The following GNE variants were observed in gnomAD, a reference collection of about 807,000 sequenced individuals.
GNE encodes the protein glucosamine (UDP-N-acetyl)-2-epimerase/N-acetylmannosamine kinase, also known as bifunctional UDP-N-acetylglucosamine 2-epimerase/N-acetylmannosamine kinase.
GNE carries 41 observed loss-of-function variants against 61.8 expected under a neutral mutation model. The ratio of observed to expected loss-of-function variants is 0.66; its 90% CI spans 0.52 to 0.86. GNE has a LOEUF of 0.86. Among genes scored for constraint, GNE ranks in the 40% least tolerant of loss-of-function variants. GNE has a pLI of 0.00. For synonymous variants in GNE, 264 were observed against 326.4 expected (o/e 0.81, Z 2.06); for missense variants, 608 against 909.1 (o/e 0.67, Z 4.26).
chr9:36,276,978 T>C (rs1831287009), exon 1 of GNE: 2 of 1,613,376 alleles, frequency 1.2e-6, no homozygotes, highest in Non-Finnish European at 1.7e-6. Context: ...TAGTGTGGTT[T>C]GAAATAATGA....
At chr9:36,255,353 G>A (rs1442128345) in intron 1 of GNE, among the ~76,000 whole-genome samples, 2 of 151,762 alleles carry the variant, frequency 1.3e-5, no homozygotes, top group African/African-American at 2.4e-5. Flanking sequence ...GATTACAGGC[G>A]CACGCCACCA....
At position 36,226,156 on chromosome 9, in the gene GNE, A is replaced by G. The variant is rs570733128; in HGVS notation, c.1281+1092T>C. Among the ~76,000 whole-genome samples, 119 of 152,182 alleles carry G rather than the reference A, an allele frequency of 7.8e-4. 2 individuals are homozygous for G. The South Asian group carries it at 0.025, about 31-fold the overall frequency. On this transcript the variant is annotated intron_variant, in intron 7 of 11. Coordinates refer to ENST00000642385, the MANE Select transcript of GNE (RefSeq NM_005476.7). Reference sequence around the variant, plus strand: ...TGGAATAAATCATCTTTCTGTTAAGAAACTATTCTTCTATTAGTTTTTGTT... The same window carrying G: ...TGGAATAAATCATCTTTCTGTTAAGGAACTATTCTTCTATTAGTTTTTGTT...
chr9:36,229,240 G>A (rs932389949), intron 5 of GNE, 132 bp from the exon 6 acceptor site: 1 of 716,022 alleles, frequency 1.4e-6, no homozygotes, highest in Non-Finnish European at 2.6e-6. Flanking sequence ...TTTTGTTAGG[G>A]AAAATTCAAC....
chr9:36,219,268 C>T (rs1828475373), intron 10 of GNE, among the ~76,000 whole-genome samples: 1 of 152,126 alleles, frequency 6.6e-6, no homozygotes, highest in Admixed American at 6.6e-5. Context: ...CCCATCATCT[C>T]GGCTCGCCAT....
intron 1 of GNE, among the ~76,000 whole-genome samples, chr9:36,266,106 T>C (rs1158507082): frequency 6.6e-6 from 1 of 152,042 alleles, no homozygotes; most frequent in African/African-American, 2.4e-5. Context: ...AATTTTTGTA[T>C]TTTTAGTAGA....
upstream of GNE, among the ~76,000 whole-genome samples, chr9:36,259,050 G>T (rs1006567682): frequency 6.6e-6 from 1 of 152,196 alleles, no homozygotes; most frequent in African/African-American, 2.4e-5. Flanking sequence ...GGTGGTAAAG[G>T]GCTTGCGCAG....
chr9:36,230,320 A>G (rs1402890750), intron 5 of GNE, among the ~76,000 whole-genome samples: 4 of 152,064 alleles, frequency 2.6e-5, no homozygotes, highest in Non-Finnish European at 4.4e-5. Flanking sequence ...GGCTTTATAG[A>G]TAGCACACTC....
In GNE at chr9:36,246,660, CTTT is replaced by C. The variant is rs66781293; in HGVS notation, c.165-181_165-179del. 7.5e-3 allele frequency among the ~76,000 whole-genome samples: 888 copies of C among 118,744 alleles called. 3 individuals are homozygous for C. The highest frequency in any genetic ancestry group is 0.028 in the African/African-American group (850 of 30,620). 77.9% of individuals were successfully genotyped at this position (118,744 alleles called of 152,430 possible). A position where few individuals can be genotyped will look rare whatever the true frequency, so the allele number is the denominator to read the frequency against. On this transcript the variant is annotated intron_variant, in intron 2 of 11. Coordinates refer to ENST00000642385, the MANE Select transcript of GNE (RefSeq NM_005476.7). ...AAGTGTAAACAGCCTGATTAAGATT[CTTT>C]TTTTTTTTTTTTTTTTTTTTTTTGA...
At chr9:36,229,209 C>G (rs1829032963) in intron 5 of GNE, 101 bp from the exon 6 acceptor site, 8 of 779,218 alleles carry the variant, frequency 1.0e-5, no homozygotes. Flanking sequence ...ACCTGAAATC[C>G]AGCTGACTTC....
chr9:36,233,315 T>C (rs1829252134), intron 5 of GNE, among the ~76,000 whole-genome samples: 1 of 152,248 alleles, frequency 6.6e-6, no homozygotes, highest in South Asian at 2.1e-4. Context: ...AGCATTCATA[T>C]ATTCATGAAA....
intron 3 of GNE, among the ~76,000 whole-genome samples, chr9:36,238,314 T>C (rs1829488748): frequency 6.6e-6 from 1 of 151,108 alleles, no homozygotes; most frequent in Non-Finnish European, 1.5e-5. Flanking sequence ...GTGGAATTGC[T>C]GGATCAAATG....
chr9:36,233,431 C>A (rs984871307), intron 5 of GNE, among the ~76,000 whole-genome samples: 1 of 152,184 alleles, frequency 6.6e-6, no homozygotes, highest in African/African-American at 2.4e-5. Flanking sequence ...CTTTGGGAGG[C>A]CGAGGTGGGC....
intron 1 of GNE, chr9:36,265,047 C>T (rs1005734191): frequency 1.4e-5 from 4 of 296,080 alleles, no homozygotes; most frequent in South Asian, 3.9e-5. Flanking sequence ...GCAGACCCGC[C>T]GCTGACTTCC....
chr9:36,253,905 G>C (rs1830219575), intron 1 of GNE, among the ~76,000 whole-genome samples: 1 of 151,926 alleles, frequency 6.6e-6, no homozygotes, highest in African/African-American at 2.4e-5. Context: ...GGGTGTGGTG[G>C]CGTGCACCTG....
chr9:36,223,012 C>T lies in GNE; in HGVS notation c.1412-14G>A. On this transcript the variant is annotated splice_polypyrimidine_tract_variant and intron_variant, in intron 8 of 11. Coordinates refer to ENST00000642385, the MANE Select transcript of GNE (RefSeq NM_005476.7). ...CTGTGGAAATGCCTGCGCTCCACCA[C>T]AAACACAAGGAAATAATGCTGATGA... 6.2e-7 allele frequency: 1 copy of T among 1,608,208 alleles called. No individual in the cohort carries two copies. The highest frequency in any genetic ancestry group is 2.2e-5 in the East Asian group (1 of 44,876).
rs573824740 is a variant in GNE at position 36,258,297 on chromosome 9, C to G, written c.-43+24G>C. 33 of 984,500 alleles carry G rather than the reference C, an allele frequency of 3.4e-5. No individual in the cohort carries two copies. The East Asian group carries it at 1.1e-3, about 34-fold the overall frequency. 61.0% of individuals were successfully genotyped at this position (984,500 alleles called of 1,614,324 possible). A position where few individuals can be genotyped will look rare whatever the true frequency, so the allele number is the denominator to read the frequency against. ...GGTGGGCAGGATGCTCTCCCGGAGT[C>G]CCACGCCGCCGCGCGGCTCTCACCA... On this transcript the variant is annotated intron_variant, in intron 1 of 11. Transcript: ENST00000642385.
At position 36,246,118 on chromosome 9, in the gene GNE, G is replaced by A. The variant is rs539332585; in HGVS notation, c.529C>T (p.Arg177Cys). The change falls in exon 3 of 12, where the codon CGC becomes TGC. Residue 177 changes from arginine (R) to cysteine (C), a missense_variant. By Grantham distance (180) the Arg-to-Cys change is radical. Transcript: ENST00000642385. ...GAAGGGCAGCCTGCCAAAAGGATGC[G>A]ATCATGGTCCTCACACATGGATATC... ...HLISMCEDHD[R>C]ILLAGCPSYD... 2.5e-6 allele frequency: 4 copies of A among 1,614,160 alleles called. No homozygotes were observed. Among genetic ancestry groups the A allele is most frequent in the African/African-American group, 2.7e-5 (2 of 75,064 alleles).
At position 36,217,096 on chromosome 9, in the gene GNE, G is replaced by A. The variant is rs1193020196; in HGVS notation, c.*269C>T. ...AGGCTTCCTCTCTATTATTGTAGCTGCTTTGGCACAGAAAATTGTGACTGT... is the reference window on the plus strand; with the variant it reads ...AGGCTTCCTCTCTATTATTGTAGCTACTTTGGCACAGAAAATTGTGACTGT... On this transcript the variant is annotated 3_prime_UTR_variant, in exon 12 of 12. Transcript: ENST00000642385. 1 of 498,744 alleles carries A rather than the reference G, an allele frequency of 2.0e-6. No individual in the cohort carries two copies. The highest frequency in any genetic ancestry group is 3.8e-5 in the East Asian group (1 of 26,642). 30.9% of individuals were successfully genotyped at this position (498,744 alleles called of 1,614,324 possible).
upstream of GNE, among the ~76,000 whole-genome samples, chr9:36,260,918 C>A (rs1316328927): frequency 6.8e-6 from 1 of 147,008 alleles, no homozygotes; most frequent in East Asian, 2.1e-4. Context: ...ATGTATTATC[C>A]TACAGTTTTG....
Sources: allele counts gnomAD v4.1 joint callset (sites outside exome capture counted in the v4.1 genomes callset), GRCh38; gene constraint gnomAD v4.1.1; transcripts MANE v1.5; gene names NCBI Gene and HGNC (gene_info 2026-07-23, HGNC 2026-07-21).